The following TCAIM variants were observed in gnomAD, a reference collection of about 807,000 sequenced individuals.
TCAIM encodes T cell activation inhibitor, mitochondrial, also known as T-cell activation inhibitor, mitochondrial.
Under a neutral mutation model 58.6 loss-of-function variants are expected in TCAIM, and 36 were observed. The observed-to-expected ratio is 0.61, with a 90% CI of 0.47 to 0.81. TCAIM has a LOEUF of 0.81. TCAIM is among the 30% of genes least tolerant of loss of function. The probability of loss-of-function intolerance (pLI) is 0.00; values close to 1 mark genes in which losing one functional copy is unlikely to be tolerated. For synonymous variants in TCAIM, 172 were observed against 193.6 expected, an observed-to-expected ratio of 0.89 and a Z score of 0.93; for missense variants, 466 against 579.6, an observed-to-expected ratio of 0.80 and a Z score of 2.01.
At chr3:44,391,339 C>G (rs192404437) in intron 5 of TCAIM, 2 of 152,200 alleles carry the variant, frequency 1.3e-5, no homozygotes, top group African/African-American at 4.8e-5. Context: ...CAGGTGCGCG[C>G]GAACACGCCT....
intron 8 of TCAIM, among the ~76,000 whole-genome samples, 183 bp from the exon 9 acceptor site, chr3:44,400,172 G>A (rs1194402586): frequency 6.6e-6 from 1 of 151,874 alleles, no homozygotes; most frequent in African/African-American, 2.4e-5. Context: ...ATTTACAGTG[G>A]CTTGTTTTGA....
chr3:44,401,379 C>T, intron 10 of TCAIM, 45 bp downstream of exon 10: 1 of 1,607,872 alleles, frequency 6.2e-7, no homozygotes, highest in South Asian at 1.1e-5. Flanking sequence ...TTCAGTCTAA[C>T]TGAAAACCTC....
At chr3:44,344,263 C>T (rs2125623692) in intron 1 of TCAIM, among the ~76,000 whole-genome samples, 1 of 152,220 alleles carries the variant, frequency 6.6e-6, no homozygotes, top group South Asian at 2.1e-4. Flanking sequence ...TCCCAAAGTG[C>T]TATGATTACA....
chr3:44,401,247 T>G lies in TCAIM; in HGVS notation c.1163T>G (p.Ile388Ser). 6 of 1,614,112 alleles carry G rather than the reference T, an allele frequency of 3.7e-6. No homozygotes were observed. The highest frequency in any genetic ancestry group is 5.1e-6 in the Non-Finnish European group (6 of 1,180,000). ...PSLHELGHFN[I>S]PTLCDPANLQ... The stretch of plus-strand genomic sequence containing the variant: ...TTGCATGAACTCGGGCATTTTAATA[T>G]TCCAACACTCTGTGATCCAGCAAAT... The change falls in exon 10 of 11, where the codon ATT becomes AGT. Residue 388 changes from isoleucine to serine, a missense_variant. By Grantham distance (142) the Ile-to-Ser change is moderately radical (BLOSUM62 -2). Coordinates refer to ENST00000342649, the MANE Select transcript of TCAIM (RefSeq NM_173826.4).
chr3:44,362,144 G>A (rs1701304082), intron 4 of TCAIM, among the ~76,000 whole-genome samples: 1 of 152,158 alleles, frequency 6.6e-6, no homozygotes. Flanking sequence ...TTTTTAGAAT[G>A]AACTTAAGAC....
intron 3 of TCAIM, chr3:44,358,101 T>C (rs1244049761): frequency 4.9e-6 from 7 of 1,427,546 alleles, no homozygotes; most frequent in Admixed American, 3.0e-5. Context: ...TTAAACTCTT[T>C]AGAGTACTAG....
In TCAIM at chr3:44,400,344, T is replaced by C; in HGVS notation, c.886-11T>C. 6.2e-7 allele frequency: 1 copy of C among 1,603,100 alleles called. No homozygotes were observed. Among genetic ancestry groups the C allele is most frequent in the Non-Finnish European group, 8.5e-7 (1 of 1,172,110 alleles). On this transcript the variant is annotated splice_polypyrimidine_tract_variant and intron_variant, in intron 8 of 10. Coordinates refer to ENST00000342649, the MANE Select transcript of TCAIM (RefSeq NM_173826.4). ...AAACTAATTATTTCTTTCCCTTTGT[T>C]AACACTGTAGCTTTTTGAAAGATTG...
At chr3:44,386,458 A>G (rs914814160) in intron 5 of TCAIM, among the ~76,000 whole-genome samples, 2 of 152,198 alleles carry the variant, frequency 1.3e-5, no homozygotes, top group African/African-American at 2.4e-5. Context: ...CCCACCTCCT[A>G]CTGAATTGGT....
chr3:44,350,155 G>C (rs1050814170), intron 1 of TCAIM, among the ~76,000 whole-genome samples: 2 of 152,002 alleles, frequency 1.3e-5, no homozygotes, highest in Non-Finnish European at 2.9e-5. Context: ...GGGTGGGGCA[G>C]TTTTATAGGA....
chr3:44,374,383 C>A (rs1701531949), intron 5 of TCAIM, among the ~76,000 whole-genome samples: 1 of 150,954 alleles, frequency 6.6e-6, no homozygotes, highest in South Asian at 2.1e-4. Context: ...GTTACATACA[C>A]ATAAATACAG....
At chr3:44,353,121 G>T (rs1035006696) in intron 1 of TCAIM, among the ~76,000 whole-genome samples, 3 of 151,580 alleles carry the variant, frequency 2.0e-5, no homozygotes, top group Non-Finnish European at 2.9e-5. Context: ...GGGTTTCACC[G>T]TGTTGGTCAG....
At chr3:44,338,372 T>C (rs2279454), upstream of TCAIM, 130,097 of 152,530 alleles carry the variant, frequency 0.85, 55,531 homozygotes, top group Middle Eastern at 0.91. Context: ...GTGCAGCAGT[T>C]ACCAGGGTGC....
intron 3 of TCAIM, among the ~76,000 whole-genome samples, chr3:44,360,006 A>G (rs1329922120): frequency 6.6e-6 from 1 of 152,098 alleles, no homozygotes; most frequent in African/African-American, 2.4e-5. Context: ...CTTTTCCCAG[A>G]TATCCCAGAT....
At chr3:44,345,824 A>C (rs1222961821) in intron 1 of TCAIM, among the ~76,000 whole-genome samples, 1 of 152,246 alleles carries the variant, frequency 6.6e-6, no homozygotes, top group Non-Finnish European at 1.5e-5. Flanking sequence ...TGGTGGTTTG[A>C]GGTAAAACCA....
chr3:44,344,740 G>A (rs189660651), intron 1 of TCAIM, among the ~76,000 whole-genome samples: 237 of 152,208 alleles, frequency 1.6e-3, no homozygotes, highest in African/African-American at 5.4e-3. Flanking sequence ...GTGCAGGCGG[G>A]CTGAGTCCAA....
intron 1 of TCAIM, 118 bp from the exon 2 acceptor site, chr3:44,354,621 C>A: frequency 1.6e-6 from 1 of 635,282 alleles, no homozygotes; most frequent in Non-Finnish European, 2.6e-6. Context: ...AGATCTTATA[C>A]ATATTTTATA....
intron 1 of TCAIM, among the ~76,000 whole-genome samples, chr3:44,348,467 T>C (rs1553656164): frequency 6.6e-6 from 1 of 152,224 alleles, no homozygotes; most frequent in Non-Finnish European, 1.5e-5. Flanking sequence ...AGTGGCCAGA[T>C]TTCTAGCACT....
At chr3:44,362,266 A>T (rs1483286017) in intron 4 of TCAIM, among the ~76,000 whole-genome samples, 1 of 152,108 alleles carries the variant, frequency 6.6e-6, no homozygotes, top group Non-Finnish European at 1.5e-5. Flanking sequence ...GGTCTTTGAG[A>T]TCTAAAATCT....
At chr3:44,350,751 C>T (rs530772781) in intron 1 of TCAIM, among the ~76,000 whole-genome samples, 4 of 152,128 alleles carry the variant, frequency 2.6e-5, no homozygotes, top group African/African-American at 9.6e-5. Context: ...ACATATTTCA[C>T]GTTTGTTGTA....
Sources: gnomAD v4.1 joint callset for allele counts (sites outside exome capture counted in the v4.1 genomes callset) on GRCh38, gnomAD v4.1.1 for gene constraint, MANE v1.5 for transcripts, NCBI Gene and HGNC (gene_info 2026-07-23, HGNC 2026-07-21) for gene names.